The following SPOP variants were observed in gnomAD, a reference collection of about 807,000 sequenced individuals.
SPOP encodes speckle-type POZ protein.
SPOP carries 11 observed loss-of-function variants against 45.6 expected under a neutral mutation model. The observed-to-expected ratio is 0.24, with a 90% CI of 0.15 to 0.40. The LOEUF is 0.40. Ranked by LOEUF, SPOP falls within the 10% of genes least tolerant of loss-of-function variation. The pLI is 1.00. For synonymous variants in SPOP, 166 were observed against 166.3 expected, an observed-to-expected ratio of 1.00 and a Z score of 0.01; for missense variants, 152 against 465.6, an observed-to-expected ratio of 0.33 and a Z score of 6.20.
intron 6 of SPOP, 39 bp from the exon 7 acceptor site, chr17:49,607,968 C>T: frequency 6.3e-7 from 1 of 1,598,002 alleles, no homozygotes; most frequent in Non-Finnish European, 8.6e-7. Context: ...AAGGCTATCA[C>T]AGTGAAATCT....
In SPOP at chr17:49,665,784, G is replaced by C. The variant is rs568895961; in HGVS notation, c.-67+12149C>G. On this transcript the variant is annotated intron_variant, in intron 1 of 9. Transcript: ENST00000504102. ...GGATCACCTGAGGTTAGGAGTTCAAGACCAGCCTGGCCAACATGCTGAAAC... is the reference window on the plus strand; with the variant it reads ...GGATCACCTGAGGTTAGGAGTTCAACACCAGCCTGGCCAACATGCTGAAAC... Among the ~76,000 whole-genome samples, 8 of 151,038 alleles carry C rather than the reference G, an allele frequency of 5.3e-5. No individual in the cohort carries two copies. In the East Asian group the frequency reaches 1.6e-3, roughly 30 times the overall value.
At chr17:49,674,353 G>T (rs534176642) in intron 1 of SPOP, among the ~76,000 whole-genome samples, 2 of 152,200 alleles carry the variant, frequency 1.3e-5, no homozygotes, top group South Asian at 4.1e-4. Context: ...TCTTTGATGG[G>T]AGACTTTTTA....
intron 1 of SPOP, among the ~76,000 whole-genome samples, chr17:49,664,451 G>A (rs553004305): frequency 5.3e-5 from 8 of 152,080 alleles, no homozygotes; most frequent in South Asian, 2.1e-4. Context: ...TTATGTTAAC[G>A]AGAAAGGTTT....
intron 5 of SPOP, among the ~76,000 whole-genome samples, chr17:49,616,070 G>C (rs1156757443): frequency 6.6e-6 from 1 of 152,170 alleles, no homozygotes; most frequent in Non-Finnish European, 1.5e-5. Context: ...AGTGATCTCA[G>C]TGTCTACAGT....
At chr17:49,639,122 A>C (rs1043925215) in intron 1 of SPOP, among the ~76,000 whole-genome samples, 3 of 152,268 alleles carry the variant, frequency 2.0e-5, no homozygotes, top group African/African-American at 7.2e-5. Context: ...ATAGAAAGAT[A>C]GAATGCCTTT....
intron 1 of SPOP, among the ~76,000 whole-genome samples, chr17:49,675,284 C>T (rs1425195292): frequency 2.6e-5 from 4 of 152,146 alleles, no homozygotes; most frequent in African/African-American, 9.7e-5. Context: ...TATCTGCCAT[C>T]TTTCAAAAAG....
upstream of SPOP, chr17:49,678,106 AG>A (rs2073229664): frequency 5.0e-6 from 2 of 396,846 alleles, no homozygotes; most frequent in East Asian, 7.2e-5. Context: ...TCATGGCGTC[AG>A]CACGTCGACG....
At position 49,619,446 on chromosome 17, in the gene SPOP, T is replaced by C. The variant is rs2072171614; in HGVS notation, c.201-61A>G. On this transcript the variant is annotated intron_variant, in intron 3 of 9. Coordinates refer to ENST00000504102, the MANE Select transcript of SPOP (RefSeq NM_001007228.2). This position sits in a 1 kb window ranked among gnomAD's most constrained non-coding sequence, Gnocchi z 4.9. ...GCATCCATTTTGATAGAACTGGAAA[T>C]CAGACTCAAGAGAGGGAGATGTTTA... The C allele has an allele frequency of 1.3e-6, 2 of 1,540,196 alleles. No homozygotes were observed. Among genetic ancestry groups the C allele is most frequent in the African/African-American group, 1.4e-5 (1 of 72,020 alleles).
chr17:49,658,975 G>C (rs1235543593), intron 1 of SPOP, among the ~76,000 whole-genome samples: 1 of 152,202 alleles, frequency 6.6e-6, no homozygotes, highest in Non-Finnish European at 1.5e-5. Context: ...CTAAGAAGGA[G>C]AGAAGAGTTA....
chr17:49,602,151 G>T, intron 8 of SPOP, 144 bp from the exon 9 acceptor site: 1 of 856,552 alleles, frequency 1.2e-6, no homozygotes, highest in African/African-American at 1.7e-5. Context: ...CTACTGCAAT[G>T]ATAAAACATA....
chr17:49,631,374 G>A (rs183780640), intron 1 of SPOP, among the ~76,000 whole-genome samples: 284 of 152,258 alleles, frequency 1.9e-3, no homozygotes, highest in Admixed American at 4.6e-3. Flanking sequence ...AGGCTCTAGG[G>A]ATGCTGGTTA....
At chr17:49,602,189 C>T (rs2071752463) in intron 8 of SPOP, 182 bp from the exon 9 acceptor site, 1 of 641,154 alleles carries the variant, frequency 1.6e-6, no homozygotes, top group African/African-American at 1.9e-5. Flanking sequence ...GATGTTTAAG[C>T]TTGAAATGTA....
chr17:49,652,874 A>G lies in SPOP; in HGVS notation c.-67+25059T>C, dbSNP rs985397215. 5.9e-5 allele frequency among the ~76,000 whole-genome samples: 9 copies of G among 152,284 alleles called. No individual in the cohort carries two copies. The East Asian group carries it at 1.5e-3, about 26-fold the overall frequency. On this transcript the variant is annotated intron_variant, in intron 1 of 9. Transcript: ENST00000504102. ...AACATGGGGAAGAGTTAAAACTACC[A>G]CTTTATCATTATTGCCAGAGGTAGT...
At chr17:49,674,851 T>G (rs1320749896) in intron 1 of SPOP, among the ~76,000 whole-genome samples, 4 of 152,228 alleles carry the variant, frequency 2.6e-5, no homozygotes, top group Admixed American at 6.5e-5. Context: ...GACTTTATTC[T>G]CATGACATTA....
chr17:49,605,642 A>G (rs1164633191), intron 8 of SPOP, among the ~76,000 whole-genome samples: 1 of 151,694 alleles, frequency 6.6e-6, no homozygotes, highest in Non-Finnish European at 1.5e-5. Context: ...GTGAGCCGAG[A>G]TTGTGCCACT....
At chr17:49,613,593 G>T (rs1350278477) in intron 5 of SPOP, among the ~76,000 whole-genome samples, 1 of 152,186 alleles carries the variant, frequency 6.6e-6, no homozygotes, top group Non-Finnish European at 1.5e-5. Context: ...TCTCACTGGG[G>T]CAATTCCTCT....
At chr17:49,628,349 C>G (rs1318868032) in intron 1 of SPOP, among the ~76,000 whole-genome samples, 1 of 152,248 alleles carries the variant, frequency 6.6e-6, no homozygotes, top group Non-Finnish European at 1.5e-5. Flanking sequence ...TCTCTGTCAA[C>G]TGTAATACTG....
At chr17:49,646,310 T>A (rs927346852) in intron 1 of SPOP, 5 of 152,446 alleles carry the variant, frequency 3.3e-5, no homozygotes, top group African/African-American at 1.2e-4. Context: ...ATGCCTTTAA[T>A]CCCAGCACTT....
chr17:49,641,037 T>C (rs1597956165), intron 1 of SPOP, among the ~76,000 whole-genome samples: 1 of 151,468 alleles, frequency 6.6e-6, no homozygotes, highest in African/African-American at 2.4e-5. Context: ...CCGAGGCGGG[T>C]GGATCACTTG....
Sources: gnomAD v4.1 joint callset for allele counts (sites outside exome capture counted in the v4.1 genomes callset) on GRCh38, gnomAD v4.1.1 for gene constraint, Gnocchi (gnomAD v3.1) non-coding constraint, MANE v1.5 for transcripts, NCBI Gene and HGNC (gene_info 2026-07-23, HGNC 2026-07-21) for gene names.